The following RAB27A variants were observed in gnomAD, a reference collection of about 807,000 sequenced individuals.
RAB27A encodes the protein ras-related protein Rab-27A.
Under a neutral mutation model 20.8 loss-of-function variants are expected in RAB27A, and 17 were observed. The observed-to-expected ratio is 0.82, with a 90% CI of 0.56 to 1.23. The LOEUF (loss-of-function observed/expected upper bound fraction) is 1.23, where lower values mean the gene tolerates loss of function less well. RAB27A is among the 50% of genes most tolerant of loss of function. The pLI is 0.00. For missense variants in RAB27A, 277 were observed against 266.7 expected (o/e 1.04, Z -0.27); for synonymous variants, 85 against 92.8 (o/e 0.92, Z 0.48).
chr15:55,207,062 A>C (rs903620096), intron 6 of RAB27A, among the ~76,000 whole-genome samples: 23 of 152,334 alleles, frequency 1.5e-4, no homozygotes, highest in Non-Finnish European at 2.4e-4. Flanking sequence ...AACCTCACCC[A>C]AAATAAGGGA....
At chr15:55,210,091 T>C (rs1174835663) in intron 6 of RAB27A, among the ~76,000 whole-genome samples, 1 of 134,160 alleles carries the variant, frequency 7.5e-6, no homozygotes, top group African/African-American at 3.1e-5. Context: ...TATACACATA[T>C]ATGTGTGTAT....
intron 6 of RAB27A, among the ~76,000 whole-genome samples, chr15:55,207,270 G>T (rs1249419178): frequency 6.6e-6 from 1 of 152,170 alleles, no homozygotes; most frequent in African/African-American, 2.4e-5. Context: ...CATGCACTAT[G>T]ACCCAGCAAC....
rs575464813 is a variant in RAB27A at position 55,210,101 on chromosome 15, T to C, written c.468-4396A>G. On this transcript the variant is annotated intron_variant, in intron 6 of 6. Transcript: ENST00000336787. ...ACATATATACACATATATGTGTGTA[T>C]ATATACACACATACACATATGTATA... Among the ~76,000 whole-genome samples, 542 of 146,490 alleles carry C rather than the reference T, an allele frequency of 3.7e-3. 3 individuals are homozygous for C. The highest frequency in any genetic ancestry group is 6.3e-3 in the Admixed American group (93 of 14,872).
rs1894573383 is a variant in RAB27A, at chr15:55,204,995, A to G, written c.*512T>C. The G allele has an allele frequency of 5.7e-6, 1 of 175,646 alleles. No individual in the cohort carries two copies. The highest frequency in any genetic ancestry group is 5.5e-5 in the Admixed American group (1 of 18,054). The allele number at this position is 175,646 out of a possible 1,614,324, so 10.9% of individuals were successfully genotyped here. A position where few individuals can be genotyped will look rare whatever the true frequency, so the allele number is the denominator to read the frequency against. On this transcript the variant is annotated 3_prime_UTR_variant, in exon 7 of 7. Coordinates refer to ENST00000336787, the MANE Select transcript of RAB27A (RefSeq NM_183235.3). ...AATGCTTACATAAAATTAATACTCA[A>G]AGACATTGAGCTGATGTGCATGTAT...
chr15:55,240,870 A>T (rs1193687000), intron 2 of RAB27A, among the ~76,000 whole-genome samples: 1 of 152,178 alleles, frequency 6.6e-6, no homozygotes, highest in African/African-American at 2.4e-5. Flanking sequence ...ATAGAGATAC[A>T]ACTGTGTGAA....
At chr15:55,308,458 G>T (rs577976656) in intron 2 of RAB27A, among the ~76,000 whole-genome samples, 1 of 152,178 alleles carries the variant, frequency 6.6e-6, no homozygotes, top group Non-Finnish European at 1.5e-5. Context: ...ACTAGTTCCC[G>T]GAGTGAGGAG....
intron 2 of RAB27A, among the ~76,000 whole-genome samples, chr15:55,312,599 T>C (rs2055026182): frequency 6.6e-6 from 1 of 152,038 alleles, no homozygotes; most frequent in Admixed American, 6.6e-5. Flanking sequence ...CTAGTGAACA[T>C]GAAATGGTAA....
chr15:55,209,876 ATG>A (rs35762284), intron 6 of RAB27A, among the ~76,000 whole-genome samples: 98,657 of 106,480 alleles, frequency 0.93, 47,721 homozygotes, highest in Middle Eastern at 0.99. Context: ...ATATACATAT[ATG>A]TGTGTGTATA....
rs569166284 is a variant in RAB27A, at chr15:55,309,958, T to C, written c.-112+4081A>G. Among the ~76,000 whole-genome samples, 31 of 152,126 alleles carry C rather than the reference T, an allele frequency of 2.0e-4. No homozygotes were observed. In the South Asian group the frequency reaches 6.0e-3, roughly 30 times the overall value. On this transcript the variant is annotated intron_variant, in intron 2 of 5. Coordinates refer to the RAB27A transcript ENST00000563262. ...GGTAGGGAAAGGAGGCAGAATCCTTTAGTTTAACTCGAACAGGACGGGCAT... is the reference window on the plus strand; with the variant it reads ...GGTAGGGAAAGGAGGCAGAATCCTTCAGTTTAACTCGAACAGGACGGGCAT...
In RAB27A at chr15:55,217,663, C is replaced by CAAAAAAAAAA. The variant is rs199813098; in HGVS notation, c.467+6216_467+6225dup. Among the ~76,000 whole-genome samples, 13 of 43,546 alleles carry CAAAAAAAAAA rather than the reference C, an allele frequency of 3.0e-4. 1 individual carries two copies. Among genetic ancestry groups the CAAAAAAAAAA allele is most frequent in the African/African-American group, 5.3e-4 (6 of 11,420 alleles). The allele number at this position is 43,546 out of a possible 152,430, so 28.6% of individuals were successfully genotyped here. ...TGGGTGACAGAGCTACACTCCATCT[C>CAAAAAAAAAA]AAAAAAAAAAAAAAAAAAAAAAAAA... On this transcript the variant is annotated intron_variant, in intron 6 of 6. Coordinates refer to ENST00000336787, the MANE Select transcript of RAB27A (RefSeq NM_183235.3).
intron 1 of RAB27A, among the ~76,000 whole-genome samples, chr15:55,283,432 A>G (rs1270375312): frequency 6.6e-6 from 1 of 152,198 alleles, no homozygotes; most frequent in African/African-American, 2.4e-5. Flanking sequence ...CACAGGAATG[A>G]GCCGCCACCT....
At chr15:55,241,227 C>A (rs915190645) in intron 2 of RAB27A, among the ~76,000 whole-genome samples, 1 of 152,142 alleles carries the variant, frequency 6.6e-6, no homozygotes, top group Non-Finnish European at 1.5e-5. Context: ...TATTTAAACT[C>A]TGTACTGCCT....
chr15:55,257,719 A>G (rs888101304), intron 2 of RAB27A, among the ~76,000 whole-genome samples: 6 of 152,182 alleles, frequency 3.9e-5, no homozygotes, highest in African/African-American at 1.4e-4. Flanking sequence ...CTGGCTGGGC[A>G]TGGTGGCTCA....
intron 1 of RAB27A, among the ~76,000 whole-genome samples, chr15:55,280,597 T>C (rs1490177303): frequency 6.6e-6 from 1 of 151,392 alleles, no homozygotes; most frequent in East Asian, 1.9e-4. Flanking sequence ...CCATGTTGGT[T>C]TGCTGCACCC....
chr15:55,308,568 A>T (rs1245953060), intron 2 of RAB27A, among the ~76,000 whole-genome samples: 1 of 152,238 alleles, frequency 6.6e-6, no homozygotes, highest in Non-Finnish European at 1.5e-5. Context: ...AGTTGAGGTC[A>T]GGATCAGTCA....
Position 55,303,836 on chromosome 15 carries a change from T to TG in RAB27A, c.-112+10202dup, listed in dbSNP as rs1304493335. On this transcript the variant is annotated intron_variant, in intron 2 of 5. Coordinates refer to the RAB27A transcript ENST00000563262. ...CCAGCCGCCCCGTCCGGGAGGGAGGTGGGGGGGGTCAGCCCCCCTGCCCAG... is the reference window on the plus strand; with the variant it reads ...CCAGCCGCCCCGTCCGGGAGGGAGGTGGGGGGGGGTCAGCCCCCCTGCCCAG... Among the ~76,000 whole-genome samples the TG allele has an allele frequency of 2.4e-3, 237 of 98,444 alleles. 2 individuals carry two copies. Among genetic ancestry groups the TG allele is most frequent in the African/African-American group, 6.6e-3 (144 of 21,886 alleles). 64.6% of individuals were successfully genotyped at this position (98,444 alleles called of 152,430 possible). A position where few individuals can be genotyped will look rare whatever the true frequency, so the allele number is the denominator to read the frequency against.
intron 4 of RAB27A, among the ~76,000 whole-genome samples, chr15:55,229,680 AAGAGCTCTTATCTTTT>A (rs1895956368): frequency 1.3e-5 from 2 of 152,258 alleles, no homozygotes; most frequent in African/African-American, 4.8e-5. Flanking sequence ...AAAAACAAAA[AAGAGCTCTTATCTTTT>A]AGAGCTACAT....
At chr15:55,298,779 C>T (rs1250389789) in intron 2 of RAB27A, among the ~76,000 whole-genome samples, 1 of 152,176 alleles carries the variant, frequency 6.6e-6, no homozygotes. Flanking sequence ...AGACCTATAC[C>T]CCCAGGTGCG....
intron 1 of RAB27A, among the ~76,000 whole-genome samples, chr15:55,276,867 G>C (rs1897888391): frequency 6.6e-6 from 1 of 152,130 alleles, no homozygotes; most frequent in African/African-American, 2.4e-5. Context: ...ATAAAACCTT[G>C]GGAGGTGATG....
Sources: gnomAD v4.1 joint callset for allele counts (sites outside exome capture counted in the v4.1 genomes callset) on GRCh38, gnomAD v4.1.1 for gene constraint, MANE v1.5 for transcripts, NCBI Gene and HGNC (gene_info 2026-07-23, HGNC 2026-07-21) for gene names.